TCF4: variants seen among roughly 807,000 people sequenced by gnomAD.
TCF4 encodes SL3-3 enhancer factor 2.
A neutral mutation model predicts 82.1 loss-of-function variants in TCF4; 3 were observed. The observed-to-expected ratio is 0.04, with a 90% confidence interval of 0.02 to 0.09. The LOEUF is 0.09. Ranked by LOEUF, TCF4 falls within the 10% of genes least tolerant of loss-of-function variation. TCF4 has a pLI of 1.00. For synonymous variants in TCF4, 276 were observed against 309.6 expected (o/e 0.89, Z 1.14); for missense variants, 518 against 852.7 (o/e 0.61, Z 4.89).
At chr18:55,240,617 T>C (rs1248316006) in intron 15 of TCF4, among the ~76,000 whole-genome samples, 3 of 152,188 alleles carry the variant, frequency 2.0e-5, no homozygotes, top group African/African-American at 7.2e-5. Context: ...CAGCAGTAGA[T>C]AGATACTGTG....
At chr18:55,428,722 T>C (rs2095079491) in intron 5 of TCF4, among the ~76,000 whole-genome samples, 1 of 152,176 alleles carries the variant, frequency 6.6e-6, no homozygotes, top group African/African-American at 2.4e-5. Flanking sequence ...ATAAACCACC[T>C]CCATTTCATC....
intron 3 of TCF4, among the ~76,000 whole-genome samples, chr18:55,573,530 C>T (rs1373872758): frequency 1.3e-5 from 2 of 152,182 alleles, no homozygotes; most frequent in African/African-American, 4.8e-5. Context: ...TAGCAGCACA[C>T]TGTCAAGGCT....
At chr18:55,496,896 C>CAAAA (rs60244407) in intron 3 of TCF4, among the ~76,000 whole-genome samples, 5 of 108,706 alleles carry the variant, frequency 4.6e-5, no homozygotes, top group Non-Finnish European at 5.7e-5. Context: ...TGTAAAATTA[C>CAAAA]AAAAAAAAAA....
intron 3 of TCF4, among the ~76,000 whole-genome samples, chr18:55,490,476 G>A (rs2096564353): frequency 6.6e-6 from 1 of 152,110 alleles, no homozygotes. Context: ...GATTAAATGA[G>A]ATTACTGATG....
intron 6 of TCF4, among the ~76,000 whole-genome samples, chr18:55,396,617 C>G (rs572920737): frequency 7.2e-5 from 11 of 152,212 alleles, no homozygotes; most frequent in African/African-American, 1.9e-4. Flanking sequence ...GCTAGGGGCA[C>G]AGAGGTTGTT....
intron 4 of TCF4, 128 bp from the exon 5 acceptor site, chr18:55,461,243 T>C: frequency 1.4e-6 from 1 of 730,334 alleles, no homozygotes; most frequent in Non-Finnish European, 2.3e-6. Flanking sequence ...CCCTGGAACT[T>C]CACTAGAAGG....
At chr18:55,310,561 T>C (rs949603851) in intron 8 of TCF4, among the ~76,000 whole-genome samples, 1 of 152,152 alleles carries the variant, frequency 6.6e-6, no homozygotes, top group Admixed American at 6.5e-5. Flanking sequence ...ATCACTTCCG[T>C]ATCATGGCCA....
intron 3 of TCF4, among the ~76,000 whole-genome samples, chr18:55,544,253 C>T (rs537126976): frequency 6.6e-6 from 1 of 152,248 alleles, no homozygotes; most frequent in East Asian, 1.9e-4. Context: ...ATGATAATTT[C>T]AATGATAATA....
chr18:55,256,298 C>G (rs1412186346), intron 14 of TCF4, among the ~76,000 whole-genome samples: 2 of 152,040 alleles, frequency 1.3e-5, no homozygotes, highest in African/African-American at 2.4e-5. Flanking sequence ...TTGGACGAAG[C>G]CTGGTTTTGA....
chr18:55,258,992 G>A (rs908230753), intron 13 of TCF4, among the ~76,000 whole-genome samples: 3 of 152,182 alleles, frequency 2.0e-5, no homozygotes, highest in East Asian at 1.9e-4. Flanking sequence ...CTCATACCAC[G>A]GAGGCTTGGA....
rs587781188 is a variant in TCF4 at position 55,228,246 on chromosome 18, C to T, written c.1995G>A (p.Ser665=). The T allele has an allele frequency of 3.3e-5, 53 of 1,614,006 alleles. No individual in the cohort carries two copies. The highest frequency in any genetic ancestry group is 2.3e-4 in the South Asian group (21 of 91,086). The change falls in exon 19 of 20, where the codon TCG becomes TCA. Residue 665 remains serine (S), a synonymous_variant. Transcript: ENST00000354452. ...CCTTTTACATCTGTCCCATGTGATT[C>T]GATGCGTCTCCCATTCCAGGGTGTG... The part of the protein sequence containing the change: ...AGPHPGMGDA[S]NHMGQM
intron 8 of TCF4, among the ~76,000 whole-genome samples, chr18:55,304,046 T>A (rs1437239529): frequency 6.6e-6 from 1 of 152,060 alleles, no homozygotes; most frequent in African/African-American, 2.4e-5. Flanking sequence ...ACCAGTGAAA[T>A]CCAAAGAGTT....
At chr18:55,265,036 C>CCT (rs2058821991) in intron 11 of TCF4, 1 of 152,166 alleles carries the variant, frequency 6.6e-6, no homozygotes, top group African/African-American at 2.4e-5. Context: ...GCTAGACCAC[C>CCT]CTCTGTCTCA....
intron 5 of TCF4, chr18:55,404,559 A>G (rs564856065): frequency 2.6e-4 from 40 of 152,070 alleles, no homozygotes; most frequent in African/African-American, 9.6e-4. Flanking sequence ...CAACAGGAAA[A>G]CTCTAAACTT....
intron 6 of TCF4, among the ~76,000 whole-genome samples, chr18:55,353,487 A>G (rs181322179): frequency 1.4e-3 from 218 of 152,230 alleles, no homozygotes; most frequent in Non-Finnish European, 2.6e-3. Context: ...GTTTGTTCCT[A>G]TTTCTTTCTC....
chr18:55,304,627 G>A (rs1041226594), intron 8 of TCF4, among the ~76,000 whole-genome samples: 1 of 152,100 alleles, frequency 6.6e-6, no homozygotes, highest in Non-Finnish European at 1.5e-5. Context: ...TCCTTGTCAG[G>A]AATGAACCTA....
intron 3 of TCF4, among the ~76,000 whole-genome samples, chr18:55,501,254 G>A (rs2096696675): frequency 6.6e-6 from 1 of 151,910 alleles, no homozygotes; most frequent in Admixed American, 6.6e-5. Flanking sequence ...TAGCATTTAT[G>A]CAGTTTCCAG....
At chr18:55,595,703 AGAC>A in intron 2 of TCF4, among the ~76,000 whole-genome samples, 1 of 152,340 alleles carries the variant, frequency 6.6e-6, no homozygotes, top group African/African-American at 2.4e-5. Context: ...AATTTAAAGA[AGAC>A]TGAAAAAGAT....
In TCF4 at chr18:55,222,759, T is replaced by C. The variant is rs1324478133; in HGVS notation, c.*5276A>G. The C allele has an allele frequency of 2.0e-5, 3 of 152,666 alleles. No individual in the cohort carries two copies. The highest frequency in any genetic ancestry group is 2.0e-4 in the Admixed American group (3 of 15,282). 9.5% of individuals were successfully genotyped at this position (152,666 alleles called of 1,614,324 possible). On this transcript the variant is annotated 3_prime_UTR_variant, in exon 20 of 20. Coordinates refer to ENST00000354452, the MANE Select transcript of TCF4 (RefSeq NM_001083962.2). The stretch of plus-strand genomic sequence containing the variant: ...ATTTTGCAAAGTAGATTGATGTCCA[T>C]TCTACAAAAATATTAACTTACAGTA...
Sources: gnomAD v4.1 joint callset for allele counts (sites outside exome capture counted in the v4.1 genomes callset) on GRCh38, gnomAD v4.1.1 for gene constraint, MANE v1.5 for transcripts, NCBI Gene and HGNC (gene_info 2026-07-23, HGNC 2026-07-21) for gene names.